RGS7: variants seen among roughly 807,000 people sequenced by gnomAD.
The protein encoded by RGS7 is regulator of G protein signaling 7, also known as regulator of G-protein signaling 7.
A neutral mutation model predicts 81.1 loss-of-function variants in RGS7; 27 were observed. The ratio of observed to expected loss-of-function variants is 0.33; its 90% CI spans 0.25 to 0.46. RGS7 has a LOEUF of 0.46. RGS7 is among the 20% of genes least tolerant of loss of function. The pLI, the probability that RGS7 is intolerant of heterozygous loss-of-function variation, is 1.00. For missense variants in RGS7, 396 were observed against 607.4 expected (o/e 0.65, Z 3.66); for synonymous variants, 208 against 207.7 (o/e 1.00, Z -0.01).
intron 3 of RGS7, among the ~76,000 whole-genome samples, chr1:241,030,081 G>T (rs2059990834): frequency 6.6e-6 from 1 of 152,076 alleles, no homozygotes; most frequent in Non-Finnish European, 1.5e-5. Flanking sequence ...TGAGAGTAAA[G>T]ATTACTCTTT....
chr1:241,098,903 T>C, intron 2 of RGS7, 141 bp from the exon 3 acceptor site: 1 of 677,280 alleles, frequency 1.5e-6, no homozygotes, highest in Non-Finnish European at 2.6e-6. Context: ...TTTGCCACAT[T>C]AATAGTTTAA....
intron 3 of RGS7, among the ~76,000 whole-genome samples, chr1:241,073,758 T>C (rs2062623369): frequency 6.6e-6 from 1 of 152,220 alleles, no homozygotes; most frequent in African/African-American, 2.4e-5. Flanking sequence ...GACAACACCC[T>C]GTGGAATTAA....
At chr1:241,112,543 C>T (rs779295394) in intron 2 of RGS7, among the ~76,000 whole-genome samples, 3 of 152,196 alleles carry the variant, frequency 2.0e-5, no homozygotes, top group Non-Finnish European at 4.4e-5. Flanking sequence ...CAGGTGTACA[C>T]ACTAAAACTA....
chr1:240,873,356 A>T (rs1205113943), intron 6 of RGS7, among the ~76,000 whole-genome samples: 1 of 152,190 alleles, frequency 6.6e-6, no homozygotes, highest in Non-Finnish European at 1.5e-5. Context: ...GTTTAAATAT[A>T]TCTCCCTGCA....
At position 240,793,611 on chromosome 1, in the gene RGS7, A is replaced by ATATATATT; in HGVS notation, c.*6+7029_*6+7030insAATATATA. Among the ~76,000 whole-genome samples the ATATATATT allele has an allele frequency of 6.1e-4, 48 of 78,804 alleles. 1 individual carries two copies. The highest frequency in any genetic ancestry group is 3.3e-3 in the African/African-American group (34 of 10,302). The allele number at this position is 78,804 out of a possible 152,430, so 51.7% of individuals were successfully genotyped here. A position where few individuals can be genotyped will look rare whatever the true frequency, so the allele number is the denominator to read the frequency against. On this transcript the variant is annotated intron_variant, in intron 18 of 18. Transcript: ENST00000440928. ...AATATATATATATATATATATATAT[A>ATATATATT]TTTTTTTTTTTTTTTTGAGACAGAG...
At chr1:240,941,574 T>A (rs943919176) in intron 4 of RGS7, among the ~76,000 whole-genome samples, 13 of 151,934 alleles carry the variant, frequency 8.6e-5, no homozygotes, top group Non-Finnish European at 1.6e-4. Context: ...CCAGGCTAAT[T>A]ATTGTGTGTT....
At chr1:241,126,380 C>T (rs1159836730) in intron 2 of RGS7, among the ~76,000 whole-genome samples, 1 of 152,042 alleles carries the variant, frequency 6.6e-6, no homozygotes, top group Non-Finnish European at 1.5e-5. Context: ...AACTCCCGAC[C>T]TCAGGTGATC....
At chr1:241,356,278 C>T (rs923489615) in intron 1 of RGS7, among the ~76,000 whole-genome samples, 3 of 152,082 alleles carry the variant, frequency 2.0e-5, no homozygotes, top group African/African-American at 4.8e-5. Context: ...TGTCTAGTGT[C>T]CCCACCTGCA....
intron 2 of RGS7, among the ~76,000 whole-genome samples, chr1:241,335,235 C>T (rs1202125288): frequency 6.6e-6 from 1 of 152,182 alleles, no homozygotes; most frequent in African/African-American, 2.4e-5. Flanking sequence ...ACCCCTTTCA[C>T]ACACAGAGAT....
At chr1:241,316,150 G>A (rs1445662649) in intron 2 of RGS7, among the ~76,000 whole-genome samples, 1 of 152,098 alleles carries the variant, frequency 6.6e-6, no homozygotes, top group Non-Finnish European at 1.5e-5. Context: ...CTGTCCTCCA[G>A]TACAGTCCTG....
At chr1:240,997,312 T>C (rs887347037) in intron 3 of RGS7, among the ~76,000 whole-genome samples, 2 of 152,108 alleles carry the variant, frequency 1.3e-5, no homozygotes, top group Non-Finnish European at 2.9e-5. Context: ...ATTGTGCAGC[T>C]CTTTTTAGTT....
intron 2 of RGS7, among the ~76,000 whole-genome samples, chr1:241,155,020 TAA>T (rs1404047164): frequency 6.6e-6 from 1 of 152,204 alleles, no homozygotes; most frequent in African/African-American, 2.4e-5. Context: ...ATTCTCAAGA[TAA>T]ACTGAAAAAG....
At chr1:241,139,365 G>GTACTACATT (rs1330151033) in intron 2 of RGS7, among the ~76,000 whole-genome samples, 2 of 149,342 alleles carry the variant, frequency 1.3e-5, no homozygotes, top group East Asian at 4.0e-4. Flanking sequence ...TTGTACTAAT[G>GTACTACATT]TACTACATTT....
intron 3 of RGS7, among the ~76,000 whole-genome samples, chr1:241,089,444 A>G (rs2063728815): frequency 6.6e-6 from 1 of 152,050 alleles, no homozygotes; most frequent in Admixed American, 6.5e-5. Context: ...GCCTAAAAGC[A>G]GGACATAGGT....
chr1:241,212,354 C>A (rs2074292057), intron 2 of RGS7, among the ~76,000 whole-genome samples: 1 of 152,122 alleles, frequency 6.6e-6, no homozygotes, highest in Non-Finnish European at 1.5e-5. Context: ...GGGTGTGTCA[C>A]CTGAGAGGTG....
chr1:240,811,976 C>T lies in RGS7; in HGVS notation c.1024G>A (p.Val342Ile). The change falls in exon 14 of 19, where the codon GTT (valine) becomes ATT (isoleucine). Residue 342 changes from valine to isoleucine, a missense_variant. Transcript: ENST00000440928. ...AATTTAAGGAACTGTTCTCTCCCAA[C>T]TGGGTCTTTCAATGCCTCGTCCATG... ...FGMDEALKDP[V>I]GREQFLKFLE... 1.9e-6 allele frequency: 3 copies of T among 1,613,970 alleles called. No individual in the cohort carries two copies. Among genetic ancestry groups the T allele is most frequent in the Non-Finnish European group, 2.5e-6 (3 of 1,179,812 alleles).
intron 3 of RGS7, among the ~76,000 whole-genome samples, chr1:241,097,105 GCAAAAAC>G (rs1368832965): frequency 6.7e-6 from 1 of 148,562 alleles, no homozygotes; most frequent in East Asian, 1.9e-4. Flanking sequence ...TACAAGAGAT[GCAAAAAC>G]CAAGGCCTTT....
chr1:241,293,075 T>G (rs1320371284), intron 2 of RGS7, among the ~76,000 whole-genome samples: 1 of 152,204 alleles, frequency 6.6e-6, no homozygotes, highest in Non-Finnish European at 1.5e-5. Context: ...AAGTCATCAA[T>G]TGCTTAACAA....
At chr1:240,882,513 T>C (rs1017249389) in intron 6 of RGS7, among the ~76,000 whole-genome samples, 2 of 152,118 alleles carry the variant, frequency 1.3e-5, no homozygotes, top group African/African-American at 4.8e-5. Flanking sequence ...CCCAGAGAGC[T>C]CAAGTCCTCT....
Sources: allele counts gnomAD v4.1 joint callset (sites outside exome capture counted in the v4.1 genomes callset), GRCh38; gene constraint gnomAD v4.1.1; transcripts MANE v1.5; gene names NCBI Gene and HGNC (gene_info 2026-07-23, HGNC 2026-07-21).